The following MBNL1 variants were observed in gnomAD, a reference collection of about 807,000 sequenced individuals.
MBNL1 encodes muscleblind-like protein 1.
A neutral mutation model predicts 42.2 loss-of-function variants in MBNL1; 8 were observed. The observed-to-expected ratio is 0.19, with a 90% CI of 0.11 to 0.34. The LOEUF (loss-of-function observed/expected upper bound fraction) is 0.34, where lower values mean the gene tolerates loss of function less well. Among genes scored for constraint, MBNL1 ranks in the 10% least tolerant of loss-of-function variants. The pLI is 1.00. For synonymous variants in MBNL1, 169 were observed against 173.9 expected (o/e 0.97, Z 0.22); for missense variants, 309 against 495.3 (o/e 0.62, Z 3.57).
At chr3:152,319,853 A>G (rs904541999) in intron 2 of MBNL1, among the ~76,000 whole-genome samples, 2 of 152,154 alleles carry the variant, frequency 1.3e-5, no homozygotes, top group East Asian at 1.9e-4. Flanking sequence ...CGCAATTGAC[A>G]GAAGAGTTTA....
chr3:152,268,764 G>C (rs1366653032), upstream of MBNL1: 1 of 454,718 alleles, frequency 2.2e-6, no homozygotes, highest in Non-Finnish European at 4.4e-6. Flanking sequence ...GCGCGGGAGG[G>C]CGCCGGCGGA....
intron 2 of MBNL1, among the ~76,000 whole-genome samples, chr3:152,305,748 T>C (rs1490427746): frequency 1.3e-5 from 2 of 152,228 alleles, no homozygotes; most frequent in African/African-American, 2.4e-5. Flanking sequence ...AATTTCTTTG[T>C]GAATTTTACT....
At chr3:152,429,726 A>G (rs1241370967) in intron 3 of MBNL1, among the ~76,000 whole-genome samples, 1 of 152,150 alleles carries the variant, frequency 6.6e-6, no homozygotes, top group East Asian at 1.9e-4. Context: ...CCTTGAAAAA[A>G]CAATATAACT....
At chr3:152,331,579 T>C (rs2084558220) in intron 2 of MBNL1, among the ~76,000 whole-genome samples, 1 of 152,186 alleles carries the variant, frequency 6.6e-6, no homozygotes, top group African/African-American at 2.4e-5. Context: ...TTAATTCATT[T>C]ATTTCTCGGT....
At chr3:152,306,381 C>T (rs1214626130) in intron 2 of MBNL1, among the ~76,000 whole-genome samples, 1 of 152,192 alleles carries the variant, frequency 6.6e-6, no homozygotes, top group Non-Finnish European at 1.5e-5. Context: ...TCCTAAGGAG[C>T]ACATGGCTTC....
In MBNL1 at chr3:152,286,384, AATTAT is replaced by A. The variant is rs989440748; in HGVS notation, c.-789-13017_-789-13013del. Among the ~76,000 whole-genome samples, 4 of 99,016 alleles carry A rather than the reference AATTAT, an allele frequency of 4.0e-5. No individual in the cohort carries two copies. In the South Asian group the frequency reaches 1.1e-3, roughly 26 times the overall value. The allele number at this position is 99,016 out of a possible 152,430, so 65.0% of individuals were successfully genotyped here. On this transcript the variant is annotated intron_variant, in intron 1 of 9. Coordinates refer to ENST00000324210, the MANE Select transcript of MBNL1 (RefSeq NM_021038.5). ...TATTTTATTTATAATATAAATATTT[AATTAT>A]ATTTTATTTATAATATAAATATTTA...
chr3:152,344,209 C>T (rs2152888565), intron 2 of MBNL1, among the ~76,000 whole-genome samples: 2 of 152,150 alleles, frequency 1.3e-5, no homozygotes, highest in Admixed American at 1.3e-4. Flanking sequence ...GTAAAAAGAA[C>T]AAAGAGAATT....
At chr3:152,307,283 C>G (rs2063689001) in intron 2 of MBNL1, among the ~76,000 whole-genome samples, 1 of 152,160 alleles carries the variant, frequency 6.6e-6, no homozygotes, top group South Asian at 2.1e-4. Context: ...GTCACCGCGC[C>G]CAGCCTACTA....
At chr3:152,398,226 T>C (rs925854323) in intron 2 of MBNL1, among the ~76,000 whole-genome samples, 1 of 152,152 alleles carries the variant, frequency 6.6e-6, no homozygotes, top group Non-Finnish European at 1.5e-5. Context: ...ACATAGAACT[T>C]AGTCACTCAA....
chr3:152,424,467 A>G (rs2098868211), intron 3 of MBNL1, among the ~76,000 whole-genome samples: 1 of 152,222 alleles, frequency 6.6e-6, no homozygotes, highest in African/African-American at 2.4e-5. Context: ...ATGGATAGAA[A>G]GAATCAATAT....
chr3:152,401,057 A>G (rs1239467731), intron 2 of MBNL1, among the ~76,000 whole-genome samples: 6 of 152,186 alleles, frequency 3.9e-5, no homozygotes, highest in Admixed American at 3.9e-4. Context: ...GGCTGGATGT[A>G]GGAATTTTTT....
intron 2 of MBNL1, among the ~76,000 whole-genome samples, chr3:152,249,359 T>C (rs1204512481): frequency 7.1e-6 from 1 of 140,122 alleles, no homozygotes; most frequent in Non-Finnish European, 1.6e-5. Context: ...TGCATTTCTC[T>C]GATGGCCAGT....
Position 152,290,931 on chromosome 3 carries a change from TGATGA to T in MBNL1, c.-789-8470_-789-8466del, listed in dbSNP as rs1404723249. Among the ~76,000 whole-genome samples the T allele has an allele frequency of 6.6e-5, 10 of 152,290 alleles. No individual in the cohort carries two copies. In the Middle Eastern group the frequency reaches 0.01, roughly 155 times the overall value. On this transcript the variant is annotated intron_variant, in intron 1 of 9. Coordinates refer to ENST00000324210, the MANE Select transcript of MBNL1 (RefSeq NM_021038.5). ...CCATTCTTCCTGAAAATTGCCAAGA[TGATGA>T]GATTTGATTTTTCTACCATTTAGCT...
intron 2 of MBNL1, among the ~76,000 whole-genome samples, chr3:152,373,367 C>A: frequency 7.0e-6 from 1 of 143,022 alleles, no homozygotes. Context: ...AAAAAAAAAC[C>A]TTCTGCAGCT....
rs1469414514 is a variant in MBNL1 at position 152,299,519 on chromosome 3, C to T, written c.-675C>T. On this transcript the variant is annotated 5_prime_UTR_variant, in exon 2 of 10. Transcript: ENST00000324210. The stretch of plus-strand genomic sequence containing the variant: ...TAGACTGTGACGACAGCACATCCAC[C>T]CTCCACCTCTAGCCCAGACACCCCC... 7.7e-6 allele frequency: 3 copies of T among 392,010 alleles called. No homozygotes were observed. The highest frequency in any genetic ancestry group is 2.9e-4 in the South Asian group (2 of 6,972). The allele number at this position is 392,010 out of a possible 1,614,324, so 24.3% of individuals were successfully genotyped here. A position where few individuals can be genotyped will look rare whatever the true frequency, so the allele number is the denominator to read the frequency against.
intron 2 of MBNL1, among the ~76,000 whole-genome samples, chr3:152,412,067 C>G (rs1390241030): frequency 6.6e-6 from 1 of 152,154 alleles, no homozygotes; most frequent in Non-Finnish European, 1.5e-5. Context: ...TGGCAACATA[C>G]CAACATAGTA....
At chr3:152,321,028 A>G (rs1415964195) in intron 2 of MBNL1, among the ~76,000 whole-genome samples, 1 of 152,102 alleles carries the variant, frequency 6.6e-6, no homozygotes, top group Non-Finnish European at 1.5e-5. Context: ...AGACTCTGCC[A>G]CTTATTAACT....
At chr3:152,289,890 T>C (rs1383672288) in intron 1 of MBNL1, among the ~76,000 whole-genome samples, 1 of 152,098 alleles carries the variant, frequency 6.6e-6, no homozygotes, top group Non-Finnish European at 1.5e-5. Context: ...TTACGTTGTG[T>C]CATGAGAAGT....
chr3:152,269,742 T>C (rs1175588453), intron 1 of MBNL1: 1 of 247,420 alleles, frequency 4.0e-6, no homozygotes, highest in Admixed American at 5.8e-5. Context: ...TTTTTTTTCA[T>C]CGTTTTGTAG....
Sources: gnomAD v4.1 joint callset for allele counts (sites outside exome capture counted in the v4.1 genomes callset) on GRCh38, gnomAD v4.1.1 for gene constraint, MANE v1.5 for transcripts, NCBI Gene and HGNC (gene_info 2026-07-23, HGNC 2026-07-21) for gene names.